SMURF2: variants seen among roughly 807,000 people sequenced by gnomAD.
SMURF2 encodes SMAD specific E3 ubiquitin protein ligase 2.
SMURF2 carries 48 observed loss-of-function variants against 109.6 expected under a neutral mutation model. That is an observed-to-expected ratio of 0.44 (90% CI 0.35 to 0.56). The LOEUF (loss-of-function observed/expected upper bound fraction) is 0.56. SMURF2 is among the 20% of genes least tolerant of loss of function. SMURF2 has a pLI of 0.01. For missense variants in SMURF2, 575 were observed against 909.0 expected (o/e 0.63, Z 4.72); for synonymous variants, 288 against 317.1 (o/e 0.91, Z 0.97).
intron 1 of SMURF2, among the ~76,000 whole-genome samples, chr17:64,612,675 C>T (rs541160988): frequency 2.6e-5 from 4 of 152,124 alleles, no homozygotes; most frequent in Admixed American, 2.6e-4. Flanking sequence ...CACTGTCCCC[C>T]TCCCTCCACC....
chr17:64,579,227 G>A (rs1555686316), intron 8 of SMURF2, among the ~76,000 whole-genome samples: 1 of 151,912 alleles, frequency 6.6e-6, no homozygotes, highest in African/African-American at 2.4e-5. Context: ...GAAGACAGAG[G>A]AAAGGCCAGG....
At chr17:64,546,549 C>G (rs1555683125) in intron 17 of SMURF2, among the ~76,000 whole-genome samples, 1 of 152,202 alleles carries the variant, frequency 6.6e-6, no homozygotes, top group African/African-American at 2.4e-5. Context: ...GTAATAGGTT[C>G]ACATTTCCAT....
At chr17:64,656,670 T>TA (rs202030178) in intron 1 of SMURF2, among the ~76,000 whole-genome samples, 36 of 149,502 alleles carry the variant, frequency 2.4e-4, no homozygotes, top group South Asian at 6.4e-4. Flanking sequence ...AAAGAATCCT[T>TA]AAAAAAAAAA....
In SMURF2 at chr17:64,545,739, G is replaced by C. The variant is rs11547445; in HGVS notation, c.*109C>G. 3.3e-4 allele frequency: 122 copies of C among 369,916 alleles called. 4 individuals are homozygous for C. Among genetic ancestry groups the C allele is most frequent in the South Asian group, 7.2e-4 (11 of 15,384 alleles). 22.9% of individuals were successfully genotyped at this position (369,916 alleles called of 1,614,324 possible). The stretch of plus-strand genomic sequence containing the variant: ...TGTAAAAAAAAAAAAAAAAAGGGGG[G>C]GGGGGGGAGTGTTTTCCTGTATTTC... On this transcript the variant is annotated 3_prime_UTR_variant, in exon 19 of 19. Transcript: ENST00000262435.
chr17:64,618,251 A>T (rs1970152814), intron 1 of SMURF2, among the ~76,000 whole-genome samples: 2 of 152,334 alleles, frequency 1.3e-5, no homozygotes, highest in East Asian at 3.9e-4. Flanking sequence ...TGGGCAATAT[A>T]GTGAGACTCC....
intron 1 of SMURF2, among the ~76,000 whole-genome samples, chr17:64,652,388 A>G (rs1453628535): frequency 6.6e-6 from 1 of 152,272 alleles, no homozygotes; most frequent in Non-Finnish European, 1.5e-5. Context: ...ATAGTAATCA[A>G]GACAGCATAG....
intron 15 of SMURF2, 98 bp downstream of exon 15, chr17:64,554,758 G>C: frequency 9.0e-7 from 1 of 1,115,794 alleles, no homozygotes; most frequent in Non-Finnish European, 1.3e-6. Flanking sequence ...AGCGGATTTT[G>C]TAACACTAAG....
At chr17:64,622,470 T>C (rs1386175879) in intron 1 of SMURF2, among the ~76,000 whole-genome samples, 1 of 152,226 alleles carries the variant, frequency 6.6e-6, no homozygotes, top group Admixed American at 6.5e-5. Context: ...GTGGCTGTAA[T>C]AGTTTCTCTG....
rs1039133679 is a variant in SMURF2, at chr17:64,575,485, T to G, written c.857+3007A>C. 1.0e-3 allele frequency among the ~76,000 whole-genome samples: 158 copies of G among 152,000 alleles called. 1 individual carries two copies. Among genetic ancestry groups the G allele is most frequent in the Non-Finnish European group, 2.9e-4 (20 of 68,018 alleles). On this transcript the variant is annotated intron_variant, in intron 9 of 18. Coordinates refer to ENST00000262435, the MANE Select transcript of SMURF2 (RefSeq NM_022739.4). ...CTTTTTAAAAACTAACAGCTTATATTGTCAAGACATGGAAATGGCAACCTT... is the reference window on the plus strand; with the variant it reads ...CTTTTTAAAAACTAACAGCTTATATGGTCAAGACATGGAAATGGCAACCTT...
At position 64,581,771 on chromosome 17, in the gene SMURF2, C is replaced by G. The variant is rs1026552292; in HGVS notation, c.570-780G>C. On this transcript the variant is annotated intron_variant, in intron 7 of 18. Coordinates refer to ENST00000262435, the MANE Select transcript of SMURF2 (RefSeq NM_022739.4). The surrounding 1 kb of genome is among the most constrained non-coding windows in gnomAD (Gnocchi z 4.3). ...ACCAGCCTGGCCAACACAGCGAAACCCCATCTCTACTAAAAATACAAAAAT... is the reference window on the plus strand; with the variant it reads ...ACCAGCCTGGCCAACACAGCGAAACGCCATCTCTACTAAAAATACAAAAAT... Among the ~76,000 whole-genome samples, 3 of 151,930 alleles carry G rather than the reference C, an allele frequency of 2.0e-5. No individual in the cohort carries two copies. The highest frequency in any genetic ancestry group is 4.4e-5 in the Non-Finnish European group (3 of 67,998).
chr17:64,599,064 T>C (rs1969856713), intron 2 of SMURF2, among the ~76,000 whole-genome samples: 1 of 152,136 alleles, frequency 6.6e-6, no homozygotes, highest in African/African-American at 2.4e-5. Context: ...AAACCAAAAA[T>C]ACCTGAGAAT....
In SMURF2 at chr17:64,662,123, G is replaced by C. The variant is rs1970791380; in HGVS notation, c.-243C>G. On this transcript the variant is annotated 5_prime_UTR_variant, in exon 1 of 19. Transcript: ENST00000262435. ...GGCCGCACAACAAAGCGGCAGCCGC[G>C]GCCGCCCGCGCCGCCTCCGCCCGCG... The C allele has an allele frequency of 1.9e-6, 2 of 1,039,480 alleles. No homozygotes were observed. The highest frequency in any genetic ancestry group is 1.2e-6 in the Non-Finnish European group (1 of 864,248). 64.4% of individuals were successfully genotyped at this position (1,039,480 alleles called of 1,614,324 possible).
At chr17:64,559,186 A>G (rs539582248) in intron 12 of SMURF2, among the ~76,000 whole-genome samples, 108 of 151,920 alleles carry the variant, frequency 7.1e-4, no homozygotes, top group Non-Finnish European at 1.2e-3. Context: ...TTAGAACACA[A>G]ATAAGAGCAG....
chr17:64,635,716 T>C (rs931271155), intron 1 of SMURF2, among the ~76,000 whole-genome samples: 1 of 152,250 alleles, frequency 6.6e-6, no homozygotes, highest in Non-Finnish European at 1.5e-5. Flanking sequence ...ATTTTGTTTA[T>C]CCATTCAGTT....
Position 64,542,287 on chromosome 17 carries a change from TAA to T in SMURF2, c.*3559_*3560del, listed in dbSNP as rs782277520. On this transcript the variant is annotated 3_prime_UTR_variant, in exon 19 of 19. Coordinates refer to ENST00000262435, the MANE Select transcript of SMURF2 (RefSeq NM_022739.4). ...GATTCATTACAAACTCAATATTCTTTAAAAACGTTGATGCTGTGACAGTGCAA... is the reference window on the plus strand; with the variant it reads ...GATTCATTACAAACTCAATATTCTTTAAACGTTGATGCTGTGACAGTGCAA... 2.0e-5 allele frequency: 3 copies of T among 152,218 alleles called. No homozygotes were observed. The highest frequency in any genetic ancestry group is 4.4e-5 in the Non-Finnish European group (3 of 68,044). The allele number at this position is 152,218 out of a possible 1,614,324, so 9.4% of individuals were successfully genotyped here. A position where few individuals can be genotyped will look rare whatever the true frequency, so the allele number is the denominator to read the frequency against.
intron 1 of SMURF2, among the ~76,000 whole-genome samples, chr17:64,640,909 C>A (rs1970484692): frequency 1.4e-5 from 2 of 145,972 alleles, no homozygotes; most frequent in South Asian, 2.1e-4. Context: ...CAGAGTGAGA[C>A]TCCATCTCAA....
At position 64,589,218 on chromosome 17, in the gene SMURF2, T is replaced by C. The variant is rs1969714337; in HGVS notation, c.400+1866A>G. Among the ~76,000 whole-genome samples the C allele has an allele frequency of 4.6e-5, 7 of 152,190 alleles. No individual in the cohort carries two copies. In the South Asian group the frequency reaches 1.2e-3, roughly 27 times the overall value. On this transcript the variant is annotated intron_variant, in intron 5 of 18. Coordinates refer to ENST00000262435, the MANE Select transcript of SMURF2 (RefSeq NM_022739.4). The stretch of plus-strand genomic sequence containing the variant: ...TTGTTTTCTATGTGGTGTACTCCAG[T>C]AGGTATACTTCTAATGTCTAACAAA...
chr17:64,544,797 T>C lies in SMURF2; in HGVS notation c.*1051A>G, dbSNP rs984439421. ...CAAAATTCTTCCTTTTTCATAACTGTAGCTGATTAAAATTATGAGCAGTTA... is the reference window on the plus strand; with the variant it reads ...CAAAATTCTTCCTTTTTCATAACTGCAGCTGATTAAAATTATGAGCAGTTA... On this transcript the variant is annotated 3_prime_UTR_variant, in exon 19 of 19. Transcript: ENST00000262435. 12 of 152,684 alleles carry C rather than the reference T, an allele frequency of 7.9e-5. No individual in the cohort carries two copies. The highest frequency in any genetic ancestry group is 2.0e-4 in the Admixed American group (3 of 15,298). 9.5% of individuals were successfully genotyped at this position (152,684 alleles called of 1,614,324 possible).
At chr17:64,551,160 G>A (rs535980359) in intron 16 of SMURF2, among the ~76,000 whole-genome samples, 1 of 152,142 alleles carries the variant, frequency 6.6e-6, no homozygotes, top group South Asian at 2.1e-4. Flanking sequence ...AGGAGTTTGA[G>A]ACCACCCTGG....
Sources: allele counts gnomAD v4.1 joint callset (sites outside exome capture counted in the v4.1 genomes callset), GRCh38; gene constraint gnomAD v4.1.1; non-coding constraint Gnocchi (gnomAD v3.1); transcripts MANE v1.5; gene names NCBI Gene and HGNC (gene_info 2026-07-23, HGNC 2026-07-21).